GABRG1: variants seen among roughly 807,000 people sequenced by gnomAD.
GABRG1 encodes the protein gamma-aminobutyric acid receptor subunit gamma-1.
A neutral mutation model predicts 49.8 loss-of-function variants in GABRG1; 49 were observed. That is an observed-to-expected ratio of 0.98 (90% CI 0.78 to 1.25). The LOEUF is 1.25. Ranked by LOEUF, GABRG1 falls within the 50% of genes most tolerant of loss-of-function variation. The probability of loss-of-function intolerance (pLI) is 0.00; values close to 1 mark genes in which losing one functional copy is unlikely to be tolerated. For synonymous variants in GABRG1, 232 were observed against 185.1 expected (o/e 1.25, Z -2.06); for missense variants, 552 against 552.3 (o/e 1.00, Z 0.01).
chr4:46,079,813 G>A (rs1352965378), intron 3 of GABRG1, among the ~76,000 whole-genome samples: 2 of 151,786 alleles, frequency 1.3e-5, no homozygotes, highest in East Asian at 1.9e-4. Flanking sequence ...ACCCAACACC[G>A]TGAGATATTT....
At chr4:46,080,807 T>C (rs530370940) in intron 3 of GABRG1, among the ~76,000 whole-genome samples, 2 of 151,940 alleles carry the variant, frequency 1.3e-5, no homozygotes, top group African/African-American at 4.8e-5. Context: ...AACATTCCCA[T>C]ATGCTCAAAC....
chr4:46,079,905 T>C (rs1295105320), intron 3 of GABRG1, among the ~76,000 whole-genome samples: 1 of 151,896 alleles, frequency 6.6e-6, no homozygotes, highest in South Asian at 2.1e-4. Context: ...TAAACTCTAG[T>C]AACATGTTCT....
chr4:46,041,209 T>C lies in GABRG1; in HGVS notation c.1177A>G (p.Asn393Asp), dbSNP rs755676057. The change falls in exon 9 of 9, where the codon AAT becomes GAT. Residue 393 changes from asparagine to aspartate, a missense_variant. Transcript: ENST00000295452. ...HPGSTLIPMN[N>D]ISVPQEDDYG... ...TCATCTTCTTGCGGCACAGAAATAT[T>C]ATTCATTGGAATCAGAGTGGATCCA... is the stretch of plus-strand genomic sequence containing the variant. The C allele has an allele frequency of 6.2e-7, 1 of 1,612,872 alleles. No homozygotes were observed. Among genetic ancestry groups the C allele is most frequent in the Non-Finnish European group, 8.5e-7 (1 of 1,179,232 alleles).
At chr4:46,088,108 A>G (rs1244569153) in intron 2 of GABRG1, among the ~76,000 whole-genome samples, 1 of 152,062 alleles carries the variant, frequency 6.6e-6, no homozygotes, top group Non-Finnish European at 1.5e-5. Context: ...AGTTTTAATG[A>G]ACAATGTTCA....
intron 2 of GABRG1, among the ~76,000 whole-genome samples, chr4:46,092,107 A>G (rs1324070067): frequency 1.3e-5 from 2 of 152,086 alleles, no homozygotes; most frequent in Non-Finnish European, 2.9e-5. Flanking sequence ...TAATTTTCAT[A>G]TAAAACTGAA....
intron 8 of GABRG1, among the ~76,000 whole-genome samples, chr4:46,050,644 A>G (rs149291323): frequency 3.9e-5 from 6 of 151,944 alleles, no homozygotes; most frequent in Non-Finnish European, 7.4e-5. Flanking sequence ...AACAGGATAT[A>G]TAAAGGAAGG....
chr4:46,089,236 T>C (rs1375123632), intron 2 of GABRG1, among the ~76,000 whole-genome samples: 1 of 151,930 alleles, frequency 6.6e-6, no homozygotes, highest in African/African-American at 2.4e-5. Context: ...AATTGAGCCA[T>C]ATACAATGCC....
intron 2 of GABRG1, among the ~76,000 whole-genome samples, chr4:46,087,653 A>G (rs917781050): frequency 6.6e-6 from 1 of 151,914 alleles, no homozygotes; most frequent in Non-Finnish European, 1.5e-5. Context: ...GCTTATAAAC[A>G]TGTCCCAAGA....
intron 2 of GABRG1, among the ~76,000 whole-genome samples, chr4:46,090,842 A>G (rs1436155769): frequency 1.3e-5 from 2 of 151,886 alleles, no homozygotes; most frequent in African/African-American, 4.8e-5. Context: ...TGAACAGAAC[A>G]GAGCAGCTTA....
At chr4:46,070,739 A>G (rs752025568) in intron 3 of GABRG1, among the ~76,000 whole-genome samples, 14 of 152,032 alleles carry the variant, frequency 9.2e-5, no homozygotes, top group South Asian at 2.1e-4. Context: ...GTAGTTAGGG[A>G]GCCAGGGAAG....
intron 2 of GABRG1, among the ~76,000 whole-genome samples, chr4:46,092,392 T>A (rs1720020787): frequency 6.6e-6 from 1 of 152,054 alleles, no homozygotes; most frequent in African/African-American, 2.4e-5. Flanking sequence ...TACTGATTTA[T>A]GATTAAATCT....
At chr4:46,098,131 A>T (rs1720245278) in intron 1 of GABRG1, among the ~76,000 whole-genome samples, 1 of 151,744 alleles carries the variant, frequency 6.6e-6, no homozygotes, top group Admixed American at 6.6e-5. Flanking sequence ...AGACTCAAAC[A>T]TTGCCTCTCC....
intron 1 of GABRG1, among the ~76,000 whole-genome samples, chr4:46,112,575 G>T (rs541814494): frequency 6.6e-6 from 1 of 151,334 alleles, no homozygotes; most frequent in South Asian, 2.1e-4. Flanking sequence ...CAAAGTGATA[G>T]AATCAACTGA....
chr4:46,088,322 T>G (rs1055360709), intron 2 of GABRG1, among the ~76,000 whole-genome samples: 1 of 152,100 alleles, frequency 6.6e-6, no homozygotes, highest in African/African-American at 2.4e-5. Context: ...AGCATTCATA[T>G]AGGTAAAACA....
At chr4:46,100,446 T>C (rs1396869722) in intron 1 of GABRG1, among the ~76,000 whole-genome samples, 1 of 147,200 alleles carries the variant, frequency 6.8e-6, no homozygotes, top group Non-Finnish European at 1.5e-5. Context: ...TAACAAACCT[T>C]TACATGTACC....
At chr4:46,071,426 TTA>T (rs966773699) in intron 3 of GABRG1, among the ~76,000 whole-genome samples, 3 of 148,832 alleles carry the variant, frequency 2.0e-5, no homozygotes, top group South Asian at 2.1e-4. Context: ...CACACATATG[TTA>T]TATATATAAT....
At position 46,082,648 on chromosome 4, in the gene GABRG1, C is replaced by T. The variant is rs1194176386; in HGVS notation, c.321+1338G>A. On this transcript the variant is annotated intron_variant, in intron 3 of 8. Coordinates refer to ENST00000295452, the MANE Select transcript of GABRG1 (RefSeq NM_173536.4). ...AATCAACACCACCTACTTGTGAATG[C>T]CAGTTATCACTATCTAATCCATTTT... Among the ~76,000 whole-genome samples the T allele has an allele frequency of 3.9e-5, 6 of 151,914 alleles. No individual in the cohort carries two copies. The East Asian group carries it at 5.8e-4, about 15-fold the overall frequency.
At chr4:46,111,495 T>C (rs532439002) in intron 1 of GABRG1, among the ~76,000 whole-genome samples, 2 of 151,348 alleles carry the variant, frequency 1.3e-5, no homozygotes, top group Admixed American at 1.3e-4. Context: ...AAAACTATTC[T>C]AAAATTCATA....
rs182937389 is a variant in GABRG1, at chr4:46,040,973, C to T, written c.*15G>A. The T allele has an allele frequency of 9.4e-6, 15 of 1,595,478 alleles. No individual in the cohort carries two copies. In the Admixed American group the frequency reaches 2.5e-4, roughly 26 times the overall value. The stretch of plus-strand genomic sequence containing the variant: ...TTAGTCAGACTTCTTTTGATTTTTG[C>T]TTATGAAGTAGATTTTATAAGTAAA... On this transcript the variant is annotated 3_prime_UTR_variant, in exon 9 of 9. Transcript: ENST00000295452.
Sources: gnomAD v4.1 joint callset for allele counts (sites outside exome capture counted in the v4.1 genomes callset) on GRCh38, gnomAD v4.1.1 for gene constraint, MANE v1.5 for transcripts, NCBI Gene and HGNC (gene_info 2026-07-23, HGNC 2026-07-21) for gene names.